The following STMN2 variants were observed in gnomAD, a reference collection of about 807,000 sequenced individuals.
STMN2 encodes the protein stathmin 2, also known as stathmin-2.
Under a neutral mutation model 24.1 loss-of-function variants are expected in STMN2, and 2 were observed. The observed-to-expected ratio is 0.08, with a 90% CI of 0.03 to 0.26. STMN2 has a LOEUF of 0.26. STMN2 is among the 10% of genes least tolerant of loss of function. The pLI, the probability that STMN2 is intolerant of heterozygous loss-of-function variation, is 1.00. For missense variants in STMN2, 114 were observed against 213.6 expected (o/e 0.53, Z 2.91); for synonymous variants, 83 against 77.5 (o/e 1.07, Z -0.37).
intron 3 of STMN2, among the ~76,000 whole-genome samples, chr8:79,641,839 T>C (rs995984944): frequency 3.9e-5 from 6 of 152,084 alleles, no homozygotes; most frequent in African/African-American, 1.2e-4. Context: ...CTAGTGCCCC[T>C]TCCCGTATAT....
chr8:79,664,316 T>G (rs1436713774), intron 4 of STMN2, among the ~76,000 whole-genome samples: 1 of 152,094 alleles, frequency 6.6e-6, no homozygotes, highest in Non-Finnish European at 1.5e-5. Context: ...TAGGAAAAGA[T>G]GGGGGTTATG....
intron 4 of STMN2, among the ~76,000 whole-genome samples, chr8:79,655,410 T>C (rs1401277847): frequency 1.3e-5 from 2 of 152,082 alleles, no homozygotes; most frequent in South Asian, 2.1e-4. Context: ...CTATATATTA[T>C]ATTGATATAA....
intron 1 of STMN2, chr8:79,613,404 C>G (rs1435402023): frequency 1.0e-6 from 1 of 985,332 alleles, no homozygotes; most frequent in Non-Finnish European, 1.2e-6. Context: ...GCGCTCGCCC[C>G]CGCGGTGCAG....
intron 3 of STMN2, among the ~76,000 whole-genome samples, chr8:79,652,302 C>T (rs1810349760): frequency 6.6e-6 from 1 of 152,112 alleles, no homozygotes; most frequent in Non-Finnish European, 1.5e-5. Flanking sequence ...AGCCTTCTTC[C>T]TTGAGAAGGT....
rs548847714 is a variant in STMN2, at chr8:79,623,421, A to G, written c.19+12207A>G. Among the ~76,000 whole-genome samples, 8 of 152,358 alleles carry G rather than the reference A, an allele frequency of 5.3e-5. No individual in the cohort carries two copies. The East Asian group carries it at 1.2e-3, about 22-fold the overall frequency. ...TTAAGGGAGGATAACTACCAATACC[A>G]AAACATTTTAAGCATTTTGTTTTGC... On this transcript the variant is annotated intron_variant, in intron 1 of 4. Transcript: ENST00000220876.
chr8:79,626,166 C>T (rs1240857193), intron 1 of STMN2, among the ~76,000 whole-genome samples: 12 of 152,090 alleles, frequency 7.9e-5, no homozygotes, highest in Admixed American at 7.2e-4. Flanking sequence ...TAGTTCCTGA[C>T]CTAGAGCTCA....
chr8:79,633,399 GT>G (rs1170165291), intron 1 of STMN2, among the ~76,000 whole-genome samples: 4 of 152,154 alleles, frequency 2.6e-5, no homozygotes, highest in African/African-American at 4.8e-5. Context: ...ACTGGGTTTT[GT>G]CCCCAGACCA....
intron 1 of STMN2, among the ~76,000 whole-genome samples, chr8:79,630,901 TA>T (rs5892683): frequency 0.31 from 47,254 of 151,952 alleles, 8,027 homozygotes; most frequent in African/African-American, 0.45. Context: ...CTTAGGGGGA[TA>T]AAAAAATCCC....
chr8:79,614,551 G>A (rs2130290760), intron 1 of STMN2, among the ~76,000 whole-genome samples: 1 of 152,320 alleles, frequency 6.6e-6, no homozygotes, highest in South Asian at 2.1e-4. Context: ...GTAACACGTC[G>A]CAGGTAGCTA....
At chr8:79,657,583 T>A (rs1219013602) in intron 4 of STMN2, among the ~76,000 whole-genome samples, 1 of 152,228 alleles carries the variant, frequency 6.6e-6, no homozygotes, top group African/African-American at 2.4e-5. Context: ...CTCAGCAGTC[T>A]ATCCCACGTC....
At chr8:79,622,494 A>G (rs1247771442) in intron 1 of STMN2, among the ~76,000 whole-genome samples, 2 of 152,242 alleles carry the variant, frequency 1.3e-5, no homozygotes, top group South Asian at 2.1e-4. Context: ...TTGGTATCAT[A>G]TTTATGAGAC....
chr8:79,642,329 T>C (rs934874978), intron 3 of STMN2, among the ~76,000 whole-genome samples: 1 of 152,200 alleles, frequency 6.6e-6, no homozygotes, highest in African/African-American at 2.4e-5. Flanking sequence ...AGGGACTGTG[T>C]ACACAAACAG....
chr8:79,656,171 A>G (rs1230837562), intron 4 of STMN2, among the ~76,000 whole-genome samples: 1 of 152,192 alleles, frequency 6.6e-6, no homozygotes, highest in Non-Finnish European at 1.5e-5. Flanking sequence ...TTTTAAAGAT[A>G]TAATTGCATG....
intron 1 of STMN2, among the ~76,000 whole-genome samples, chr8:79,612,246 T>C (rs544346868): frequency 6.6e-6 from 1 of 152,318 alleles, no homozygotes; most frequent in Non-Finnish European, 1.5e-5. Flanking sequence ...CTCCCCACGC[T>C]GGCCTCATTG....
At chr8:79,663,310 T>TA (rs1806538166) in intron 4 of STMN2, among the ~76,000 whole-genome samples, 1 of 152,182 alleles carries the variant, frequency 6.6e-6, no homozygotes, top group Non-Finnish European at 1.5e-5. Context: ...TCCCTGGGTT[T>TA]AAATCCCACT....
At chr8:79,643,778 A>G (rs1810161207) in intron 3 of STMN2, among the ~76,000 whole-genome samples, 1 of 152,160 alleles carries the variant, frequency 6.6e-6, no homozygotes, top group Non-Finnish European at 1.5e-5. Flanking sequence ...GAAACTGGCC[A>G]CATGGTTAAA....
chr8:79,633,260 A>T (rs1251824115), intron 1 of STMN2, among the ~76,000 whole-genome samples: 2 of 152,210 alleles, frequency 1.3e-5, no homozygotes, highest in Non-Finnish European at 2.9e-5. Flanking sequence ...GAATGCAAGC[A>T]ACTCATCAAT....
At chr8:79,663,644 G>A in intron 4 of STMN2, 1 of 1,529,252 alleles carries the variant, frequency 6.5e-7, no homozygotes, top group Non-Finnish European at 8.7e-7. Context: ...GAGCTTCAGA[G>A]GGAAGGAGAG....
At chr8:79,635,622 G>A (rs1407583735) in intron 1 of STMN2, among the ~76,000 whole-genome samples, 1 of 152,158 alleles carries the variant, frequency 6.6e-6, no homozygotes, top group Admixed American at 6.5e-5. Flanking sequence ...GGATGCAGTT[G>A]GGACCCATAA....
Sources: gnomAD v4.1 joint callset for allele counts (sites outside exome capture counted in the v4.1 genomes callset) on GRCh38, gnomAD v4.1.1 for gene constraint, MANE v1.5 for transcripts, NCBI Gene and HGNC (gene_info 2026-07-23, HGNC 2026-07-21) for gene names.